The following ATAD3B variants were observed in gnomAD, a reference collection of about 807,000 sequenced individuals.
ATAD3B encodes the protein ATPase family AAA domain containing 3B, also known as ATPase family AAA domain-containing protein 3B.
ATAD3B carries 59 observed loss-of-function variants against 70.2 expected under a neutral mutation model. That is an observed-to-expected ratio of 0.84 (90% CI 0.68 to 1.04). The LOEUF is 1.04. Ranked by LOEUF, ATAD3B falls within the 50% of genes least tolerant of loss-of-function variation. The pLI is 0.00. For synonymous variants in ATAD3B, 423 were observed against 388.6 expected (o/e 1.09, Z -1.04); for missense variants, 961 against 913.4 (o/e 1.05, Z -0.67).
intron 13 of ATAD3B, 33 bp downstream of exon 13, chr1:1,489,307 G>A (rs750594410): frequency 3.7e-6 from 6 of 1,612,566 alleles, no homozygotes; most frequent in Non-Finnish European, 5.1e-6. Flanking sequence ...GAGCCCCCGG[G>A]CAGGGCTGTG....
chr1:1,472,264 C>T (rs1570173983), intron 1 of ATAD3B, among the ~76,000 whole-genome samples, 175 bp downstream of exon 1: 2 of 152,136 alleles, frequency 1.3e-5, no homozygotes, highest in East Asian at 3.9e-4. Context: ...CGGACTCTTT[C>T]CGTCACCCGT....
chr1:1,477,452 A>G, intron 2 of ATAD3B, 102 bp downstream of exon 2: 1 of 1,566,244 alleles, frequency 6.4e-7, no homozygotes. Context: ...GGGCGTGTAC[A>G]TGGGCAGCAG....
chr1:1,483,110 T>A, intron 7 of ATAD3B: 1 of 441,732 alleles, frequency 2.3e-6, no homozygotes, highest in Non-Finnish European at 4.5e-6. Flanking sequence ...CTGGTAAGAG[T>A]GAAACCCTGT....
chr1:1,495,576 T>A lies in ATAD3B; in HGVS notation c.1706T>A (p.Met569Lys), dbSNP rs765968938. 2.5e-6 allele frequency: 4 copies of A among 1,613,228 alleles called. No homozygotes were observed. The South Asian group carries it at 3.3e-5, about 13-fold the overall frequency. Reference sequence around the variant, plus strand: ...GCTGTCCAGCAGTACCGACAGAAGATGCGCTGGCTGAAGGCGGAGGGGCCT... The same window carrying A: ...GCTGTCCAGCAGTACCGACAGAAGAAGCGCTGGCTGAAGGCGGAGGGGCCT... The part of the protein sequence containing the change: ...QDAVQQYRQK[M>K]RWLKAEGPGR... The change falls in exon 16 of 16, where the codon ATG becomes AAG. Residue 569 changes from methionine (M) to lysine (K), a missense_variant. Around this residue, in one of 4 missense-constraint regions of ATAD3B, gnomAD observed 417 missense variants for 335.0 expected, o/e 1.24. Transcript: ENST00000673477.
At chr1:1,475,319 TGA>T (rs1357188602) in intron 1 of ATAD3B, among the ~76,000 whole-genome samples, 1 of 151,268 alleles carries the variant, frequency 6.6e-6, no homozygotes, top group Non-Finnish European at 1.5e-5. Flanking sequence ...TGCTGGCGGG[TGA>T]GAGAGGTTTC....
At chr1:1,494,140 C>G (rs947087399) in intron 15 of ATAD3B, among the ~76,000 whole-genome samples, 5 of 149,766 alleles carry the variant, frequency 3.3e-5, no homozygotes, top group African/African-American at 1.2e-4. Context: ...ACATGGTGAA[C>G]ATCATGTGTC....
At chr1:1,486,277 G>T in intron 10 of ATAD3B, 42 bp downstream of exon 10, 2 of 1,611,406 alleles carry the variant, frequency 1.2e-6, no homozygotes, top group Non-Finnish European at 8.5e-7. Context: ...GGGCCGCTGG[G>T]GTCTCACCTG....
chr1:1,480,886 AT>A lies in ATAD3B; in HGVS notation c.467del (p.Leu156TyrfsTer58). ...TCTCAGCAACTTCTCAATGAGGAGA[AT>A]TTACGGAAGCAGGAGGAGTCCGTGC... The part of the protein sequence containing the change: ...LKQQQLLNEE[N>X]LRKQEESVQK... On this transcript the variant is annotated frameshift_variant, in exon 5 of 16. Coordinates refer to ENST00000673477, the MANE Select transcript of ATAD3B (RefSeq NM_031921.6). LOFTEE classifies it high-confidence loss of function. The A allele has an allele frequency of 6.3e-7, 1 of 1,593,126 alleles. No homozygotes were observed. The highest frequency in any genetic ancestry group is 8.5e-7 in the Non-Finnish European group (1 of 1,171,832).
In ATAD3B at chr1:1,489,099, G is replaced by A. The variant is rs548381107; in HGVS notation, c.1267-105G>A. 22 of 1,570,218 alleles carry A rather than the reference G, an allele frequency of 1.4e-5. 1 individual carries two copies. Among genetic ancestry groups the A allele is most frequent in the African/African-American group, 6.8e-5 (5 of 73,890 alleles). ...TTGAGTTTAGATCCATGAAAGTGTC[G>A]CCACGTCCCTGCTCCCTGCAGGAGG... On this transcript the variant is annotated intron_variant, in intron 12 of 15. Transcript: ENST00000673477.
chr1:1,480,096 G>T (rs1153106), intron 4 of ATAD3B, among the ~76,000 whole-genome samples: 1 of 141,592 alleles, frequency 7.1e-6, no homozygotes. Flanking sequence ...CGCGCACACC[G>T]CCGCAAACAC....
intron 7 of ATAD3B, 67 bp from the exon 8 acceptor site, chr1:1,484,922 GGCGGAGAGAGGGTGGGGGCAGCCCCGT>G (rs1640118860): frequency 6.7e-7 from 1 of 1,491,096 alleles, no homozygotes; most frequent in East Asian, 2.5e-5. Flanking sequence ...TTCTCCCTCA[GGCGGAGAGAGGGTGGGGGCAGCCCCGT>G]GCGTCTCCTG....
downstream of ATAD3B, among the ~76,000 whole-genome samples, chr1:1,500,613 A>G (rs1640922272): frequency 1.3e-5 from 2 of 150,650 alleles, no homozygotes; most frequent in African/African-American, 4.9e-5. Context: ...TAATATATAT[A>G]TATATGTATA....
rs530148624 is a variant in ATAD3B, at chr1:1,485,335, A to C, written c.906+164A>C. Among the ~76,000 whole-genome samples the C allele has an allele frequency of 3.4e-3, 518 of 152,098 alleles. 2 individuals carry two copies. Among genetic ancestry groups the C allele is most frequent in the African/African-American group, 0.012 (498 of 41,504 alleles). ...GTTTTCCTGTCTGGCGCTGTACCTT[A>C]GGGGTCTGCATCAGTGAGACCCTTC... On this transcript the variant is annotated intron_variant, in intron 8 of 15. Coordinates refer to ENST00000673477, the MANE Select transcript of ATAD3B (RefSeq NM_031921.6).
chr1:1,502,918 A>G, the ATAD3B span, among the ~76,000 whole-genome samples: 1 of 151,450 alleles, frequency 6.6e-6, no homozygotes, highest in Non-Finnish European at 1.5e-5. Flanking sequence ...TAATATATAT[A>G]TATATAAATG....
the ATAD3B span, among the ~76,000 whole-genome samples, chr1:1,503,945 A>G: frequency 9.9e-5 from 15 of 152,136 alleles, no homozygotes; most frequent in African/African-American, 3.6e-4. Flanking sequence ...TTCACTCAGC[A>G]GAATTTTTTT....
rs1301523500 is a variant in ATAD3B at position 1,496,479 on chromosome 1, C to T, written c.*662C>T. The T allele has an allele frequency of 6.5e-6, 1 of 154,088 alleles. No individual in the cohort carries two copies. The highest frequency in any genetic ancestry group is 1.4e-5 in the Non-Finnish European group (1 of 69,980). The allele number at this position is 154,088 out of a possible 1,614,324, so 9.5% of individuals were successfully genotyped here. On this transcript the variant is annotated 3_prime_UTR_variant, in exon 16 of 16. Coordinates refer to ENST00000673477, the MANE Select transcript of ATAD3B (RefSeq NM_031921.6). ...AGAGTGATGTGGGGGCCAGCGGTGA[C>T]TTCATGACCACACTGCGCCCAGGTG...
intron 9 of ATAD3B, 71 bp from the exon 10 acceptor site, chr1:1,486,039 C>T: frequency 6.2e-7 from 1 of 1,608,074 alleles, no homozygotes; most frequent in Non-Finnish European, 8.5e-7. Context: ...CCCGGGCATT[C>T]CCGCAGCCCC....
intron 12 of ATAD3B, among the ~76,000 whole-genome samples, chr1:1,488,146 G>C (rs1246725912): frequency 2.6e-5 from 4 of 151,948 alleles, no homozygotes; most frequent in Non-Finnish European, 4.4e-5. Flanking sequence ...TAGTAGAGAT[G>C]GGGTTTCACC....
rs185919967 is a variant in ATAD3B at position 1,482,322 on chromosome 1, C to T, written c.680+19C>T. The T allele has an allele frequency of 9.6e-4, 1,500 of 1,557,134 alleles. 25 individuals carry two copies. In the African/African-American group the frequency reaches 0.019, roughly 20 times the overall value. ...CCATCAGGTGAGCACTGCCCAGGCC[C>T]GGGCCGGCCACAGATGGAGCCCCGC... On this transcript the variant is annotated intron_variant, in intron 6 of 15. Transcript: ENST00000673477.
Sources: gnomAD v4.1 joint callset for allele counts (sites outside exome capture counted in the v4.1 genomes callset) on GRCh38, gnomAD v4.1.1 for gene constraint, gnomAD v4.1.1 regional missense constraint, MANE v1.5 for transcripts, NCBI Gene and HGNC (gene_info 2026-07-23, HGNC 2026-07-21) for gene names.